Variants in AFG2A observed in about 807,000 individuals in gnomAD.
AFG2A encodes the protein AAA ATPase AFG2A, also known as ATPase family gene 2 protein homolog A.
the AFG2A span, among the ~76,000 whole-genome samples, chr4:123,294,230 C>T: frequency 3.9e-5 from 6 of 152,192 alleles, no homozygotes; most frequent in East Asian, 5.8e-4. Flanking sequence ...GGCAGGGGAG[C>T]GACATAAACT....
chr4:123,002,919 C>T, the AFG2A span, among the ~76,000 whole-genome samples: 7 of 152,334 alleles, frequency 4.6e-5, no homozygotes, highest in South Asian at 6.2e-4. Context: ...TGGTTTCATT[C>T]TCCCCATCAC....
the AFG2A span, among the ~76,000 whole-genome samples, chr4:122,982,241 C>T: frequency 6.6e-6 from 1 of 152,186 alleles, no homozygotes; most frequent in Admixed American, 6.5e-5. Flanking sequence ...TTTTCTGTAT[C>T]TATTGATATG....
the AFG2A span, among the ~76,000 whole-genome samples, chr4:123,086,280 T>A: frequency 6.6e-6 from 1 of 152,152 alleles, no homozygotes; most frequent in Admixed American, 6.5e-5. Context: ...TTTTGAAGGA[T>A]GTTTTTGCAG....
the AFG2A span, among the ~76,000 whole-genome samples, chr4:123,033,161 C>T: frequency 6.6e-6 from 1 of 152,130 alleles, no homozygotes. Flanking sequence ...TGGGAAGCTG[C>T]ATAGCTCTTT....
the AFG2A span, among the ~76,000 whole-genome samples, chr4:123,231,368 C>G: frequency 6.6e-6 from 1 of 152,012 alleles, no homozygotes; most frequent in South Asian, 2.1e-4. Flanking sequence ...CTTCATCAAC[C>G]AACCTCTGCT....
chr4:123,293,993 A>C, the AFG2A span, among the ~76,000 whole-genome samples: 4 of 152,184 alleles, frequency 2.6e-5, no homozygotes, highest in African/African-American at 9.7e-5. Flanking sequence ...GGCTATGATT[A>C]TTCACCTATA....
At chr4:123,241,959 A>G in the AFG2A span, among the ~76,000 whole-genome samples, 40 of 152,332 alleles carry the variant, frequency 2.6e-4, no homozygotes, top group African/African-American at 9.4e-4. Context: ...CAATGTGCAA[A>G]AATCACAAGC....
At chr4:123,189,122 G>A in the AFG2A span, among the ~76,000 whole-genome samples, 5 of 152,122 alleles carry the variant, frequency 3.3e-5, no homozygotes, top group South Asian at 4.1e-4. Context: ...TGTCTATCTC[G>A]CAGGTTCATT....
At chr4:122,992,659 C>A in the AFG2A span, among the ~76,000 whole-genome samples, 6,808 of 152,170 alleles carry the variant, frequency 0.045, 296 homozygotes, top group South Asian at 0.15. Context: ...ATCACACTTG[C>A]CTAGTTATAT....
the AFG2A span, among the ~76,000 whole-genome samples, chr4:123,227,734 G>T: frequency 1.3e-5 from 2 of 152,108 alleles, no homozygotes; most frequent in Non-Finnish European, 2.9e-5. Context: ...GGTCCACTTG[G>T]TTAAGAGCTG....
the AFG2A span, among the ~76,000 whole-genome samples, chr4:123,311,736 A>G: frequency 1.3e-5 from 2 of 152,068 alleles, no homozygotes; most frequent in African/African-American, 4.8e-5. Context: ...AACTGACCCT[A>G]AGGACAGCCT....
At chr4:123,257,818 T>C in the AFG2A span, among the ~76,000 whole-genome samples, 2 of 152,306 alleles carry the variant, frequency 1.3e-5, no homozygotes, top group African/African-American at 4.8e-5. Flanking sequence ...TAGCAAGATA[T>C]AAATATGCCT....
the AFG2A span, among the ~76,000 whole-genome samples, chr4:122,926,450 G>A: frequency 6.6e-6 from 1 of 152,132 alleles, no homozygotes; most frequent in Non-Finnish European, 1.5e-5. Context: ...TGTTCATTTC[G>A]TTTTATACTC....
the AFG2A span, among the ~76,000 whole-genome samples, chr4:123,144,284 T>C: frequency 6.6e-6 from 1 of 152,132 alleles, no homozygotes; most frequent in Non-Finnish European, 1.5e-5. Context: ...CATTTGCTTT[T>C]AATATTTTTT....
chr4:123,075,306 A>C, the AFG2A span, among the ~76,000 whole-genome samples: 2 of 151,978 alleles, frequency 1.3e-5, no homozygotes, highest in African/African-American at 2.4e-5. Flanking sequence ...TGTTGAGTTG[A>C]GCGTCTAAAG....
At chr4:123,022,715 G>T in the AFG2A span, among the ~76,000 whole-genome samples, 2 of 151,462 alleles carry the variant, frequency 1.3e-5, no homozygotes, top group Admixed American at 6.6e-5. Context: ...AAATCATGCT[G>T]CTATAAAGAC....
At chr4:123,307,312 G>T in the AFG2A span, among the ~76,000 whole-genome samples, 2 of 152,090 alleles carry the variant, frequency 1.3e-5, no homozygotes, top group African/African-American at 4.8e-5. Flanking sequence ...AGCTCCATCT[G>T]CATTTTGAAT....
chr4:123,226,574 T>C, the AFG2A span, among the ~76,000 whole-genome samples: 7 of 152,202 alleles, frequency 4.6e-5, no homozygotes, highest in Non-Finnish European at 4.4e-5. Flanking sequence ...TTGATCATGG[T>C]GGATAAGCTT....
the AFG2A span, among the ~76,000 whole-genome samples, chr4:122,944,142 T>C: frequency 2.0e-5 from 3 of 152,208 alleles, no homozygotes; most frequent in Non-Finnish European, 4.4e-5. Context: ...AGGAGTATCT[T>C]TGTGGCGTTC....
Sources: allele counts gnomAD v4.1 joint callset (sites outside exome capture counted in the v4.1 genomes callset), GRCh38; gene constraint gnomAD v4.1.1; transcripts MANE v1.5; gene names NCBI Gene and HGNC (gene_info 2026-07-23, HGNC 2026-07-21).